The following TMEM87A variants were observed in gnomAD, a reference collection of about 807,000 sequenced individuals.
TMEM87A encodes the protein Golgi-pH regulating cation channel.
In TMEM87A, 50 loss-of-function variants were observed where a neutral mutation model predicts 90.0. The observed-to-expected ratio is 0.56, with a 90% CI of 0.44 to 0.70. The LOEUF is 0.70. Among genes scored for constraint, TMEM87A ranks in the 30% least tolerant of loss-of-function variants. The pLI, the probability that TMEM87A is intolerant of heterozygous loss-of-function variation, is 0.00. For synonymous variants in TMEM87A, 226 were observed against 226.7 expected (o/e 1.00, Z 0.03); for missense variants, 577 against 660.5 (o/e 0.87, Z 1.39).
chr15:42,214,357 T>C (rs1311746725), intron 19 of TMEM87A, among the ~76,000 whole-genome samples: 1 of 152,156 alleles, frequency 6.6e-6, no homozygotes, highest in Non-Finnish European at 1.5e-5. Flanking sequence ...ATTACCCTAA[T>C]GCCAAAGCCA....
Position 42,273,408 on chromosome 15 carries a change from C to T in TMEM87A, c.-10G>A, listed in dbSNP as rs200378857. On this transcript the variant is annotated 5_prime_UTR_variant, in exon 1 of 20. Coordinates refer to ENST00000389834, the MANE Select transcript of TMEM87A (RefSeq NM_015497.5). Reference sequence around the variant, plus strand: ...ACGCAGCCGCCGCCATCTTCACAGCCGTGGAGTGCCTACCGAAAGCATTTC... The same window carrying T: ...ACGCAGCCGCCGCCATCTTCACAGCTGTGGAGTGCCTACCGAAAGCATTTC... The T allele has an allele frequency of 8.1e-6, 13 of 1,613,774 alleles. No homozygotes were observed. Among genetic ancestry groups the T allele is most frequent in the South Asian group, 2.2e-5 (2 of 91,078 alleles).
chr15:42,261,316 AT>A, intron 4 of TMEM87A, 67 bp from the exon 5 acceptor site: 1 of 1,379,768 alleles, frequency 7.2e-7, no homozygotes, highest in Non-Finnish European at 1.0e-6. Flanking sequence ...GTAGCTCAAA[AT>A]ACAAAGAAAT....
chr15:42,214,800 C>A (rs2050353566), intron 19 of TMEM87A, among the ~76,000 whole-genome samples: 1 of 152,168 alleles, frequency 6.6e-6, no homozygotes, highest in African/African-American at 2.4e-5. Flanking sequence ...GATTTCTTGT[C>A]TAAGACACCA....
intron 13 of TMEM87A, among the ~76,000 whole-genome samples, chr15:42,228,113 A>C (rs913212122): frequency 6.6e-6 from 1 of 152,124 alleles, no homozygotes; most frequent in Admixed American, 6.5e-5. Flanking sequence ...TTCTCCTTTT[A>C]TCCTTAGTAT....
At chr15:42,220,678 T>C (rs1019699235) in intron 15 of TMEM87A, among the ~76,000 whole-genome samples, 7 of 152,226 alleles carry the variant, frequency 4.6e-5, no homozygotes, top group Admixed American at 2.0e-4. Context: ...GAAGGTCTGA[T>C]CTGGTATATC....
chr15:42,226,750 CT>C (rs2050602389), intron 15 of TMEM87A, 55 bp downstream of exon 15: 4 of 1,483,534 alleles, frequency 2.7e-6, no homozygotes, highest in Middle Eastern at 1.7e-4. Context: ...TGCACCACCC[CT>C]AATTGATGAC....
At chr15:42,269,458 A>T (rs565385584) in intron 2 of TMEM87A, among the ~76,000 whole-genome samples, 66 of 152,174 alleles carry the variant, frequency 4.3e-4, no homozygotes, top group Non-Finnish European at 8.5e-4. Context: ...GATAGAATTT[A>T]TGGAAATGAT....
intron 1 of TMEM87A, 51 bp downstream of exon 1, chr15:42,273,203 AG>A: frequency 6.2e-7 from 1 of 1,606,798 alleles, no homozygotes; most frequent in South Asian, 1.1e-5. Context: ...GGGCCGCCGT[AG>A]CCCCACCCCT....
intron 19 of TMEM87A, among the ~76,000 whole-genome samples, chr15:42,215,417 CG>C (rs2050365372): frequency 6.6e-6 from 1 of 152,128 alleles, no homozygotes; most frequent in Non-Finnish European, 1.5e-5. Flanking sequence ...AGGAGAATGG[CG>C]TGAACCCGGA....
intron 15 of TMEM87A, among the ~76,000 whole-genome samples, chr15:42,221,516 A>T (rs536636424): frequency 6.6e-6 from 1 of 152,198 alleles, no homozygotes; most frequent in Non-Finnish European, 1.5e-5. Flanking sequence ...TATTAATTCA[A>T]TTAAGTTCCA....
intron 6 of TMEM87A, among the ~76,000 whole-genome samples, chr15:42,245,127 T>TA (rs1011366109): frequency 6.6e-6 from 1 of 152,192 alleles, no homozygotes; most frequent in African/African-American, 2.4e-5. Flanking sequence ...ATCCATTTAC[T>TA]AGGTTATCTT....
At chr15:42,261,281 G>C (rs1408060749) in intron 4 of TMEM87A, 32 bp from the exon 5 acceptor site, 1 of 1,594,634 alleles carries the variant, frequency 6.3e-7, no homozygotes, top group South Asian at 1.1e-5. Context: ...AAACATTAAA[G>C]GTGTGTAAAT....
At chr15:42,226,521 G>A (rs949637974) in intron 15 of TMEM87A, 42 of 371,946 alleles carry the variant, frequency 1.1e-4, no homozygotes, top group Admixed American at 4.2e-5. Context: ...TAGTATGCCT[G>A]TGTATTTATC....
At chr15:42,263,862 A>G (rs2051344681) in intron 4 of TMEM87A, among the ~76,000 whole-genome samples, 1 of 152,232 alleles carries the variant, frequency 6.6e-6, no homozygotes, top group African/African-American at 2.4e-5. Context: ...TATGTAGTGT[A>G]TATTTTACCA....
chr15:42,242,758 A>C (rs911215594), intron 7 of TMEM87A, among the ~76,000 whole-genome samples: 7 of 152,338 alleles, frequency 4.6e-5, no homozygotes, highest in African/African-American at 1.7e-4. Context: ...GATAAAGCTA[A>C]GTATTCATTC....
intron 6 of TMEM87A, among the ~76,000 whole-genome samples, chr15:42,256,259 T>C (rs1489352371): frequency 1.3e-5 from 2 of 151,908 alleles, no homozygotes; most frequent in African/African-American, 2.4e-5. Context: ...TCAGGCCTCA[T>C]GCACCCAAGT....
intron 11 of TMEM87A, 36 bp from the exon 12 acceptor site, chr15:42,231,296 T>C (rs1460200201): frequency 6.6e-7 from 1 of 1,521,264 alleles, no homozygotes; most frequent in East Asian, 2.5e-5. Context: ...GAAAAACAGA[T>C]GTCTAGAGAG....
intron 7 of TMEM87A, among the ~76,000 whole-genome samples, chr15:42,243,772 G>A (rs1433693068): frequency 3.3e-5 from 5 of 151,834 alleles, no homozygotes; most frequent in Non-Finnish European, 5.9e-5. Context: ...TGCCTGCCAC[G>A]GCCTCCCAAA....
At chr15:42,236,911 G>A (rs1465053168) in intron 9 of TMEM87A, among the ~76,000 whole-genome samples, 1 of 152,122 alleles carries the variant, frequency 6.6e-6, no homozygotes, top group African/African-American at 2.4e-5. Context: ...TAAATGGTCT[G>A]ACAAGAAAAA....
Sources: gnomAD v4.1 joint callset for allele counts (sites outside exome capture counted in the v4.1 genomes callset) on GRCh38, gnomAD v4.1.1 for gene constraint, MANE v1.5 for transcripts, NCBI Gene and HGNC (gene_info 2026-07-23, HGNC 2026-07-21) for gene names.